Variants in CNTNAP5 observed in about 807,000 individuals in gnomAD.
CNTNAP5 encodes the protein contactin associated protein family member 5.
In CNTNAP5, 72 loss-of-function variants were observed where a neutral mutation model predicts 150.2. The observed-to-expected ratio is 0.48, with a 90% CI of 0.40 to 0.58. The LOEUF (loss-of-function observed/expected upper bound fraction) is 0.58, where lower values mean the gene tolerates loss of function less well. Among genes scored for constraint, CNTNAP5 ranks in the 20% least tolerant of loss-of-function variants. The probability of loss-of-function intolerance (pLI) is 0.00; values close to 1 mark genes in which losing one functional copy is unlikely to be tolerated. For synonymous variants in CNTNAP5, 672 were observed against 619.8 expected, an observed-to-expected ratio of 1.08 and a Z score of -1.25; for missense variants, 1,636 against 1,626.2, an observed-to-expected ratio of 1.01 and a Z score of -0.10.
chr2:124,564,143 A>G (rs1020921245), intron 11 of CNTNAP5, among the ~76,000 whole-genome samples: 2 of 152,196 alleles, frequency 1.3e-5, no homozygotes, highest in African/African-American at 2.4e-5. Flanking sequence ...ACTCAGAAGC[A>G]AAGAAACAAA....
chr2:124,233,190 C>T (rs1686667150), intron 2 of CNTNAP5, among the ~76,000 whole-genome samples: 1 of 152,072 alleles, frequency 6.6e-6, no homozygotes, highest in African/African-American at 2.4e-5. Flanking sequence ...AACTGATAAG[C>T]CTGCCCAACA....
At chr2:124,755,978 T>C (rs899264703) in intron 14 of CNTNAP5, among the ~76,000 whole-genome samples, 1 of 152,216 alleles carries the variant, frequency 6.6e-6, no homozygotes, top group African/African-American at 2.4e-5. Context: ...ATTTATTTTT[T>C]AAAAGTGGGG....
chr2:124,201,616 C>G (rs1398720281), intron 1 of CNTNAP5, among the ~76,000 whole-genome samples: 3 of 152,224 alleles, frequency 2.0e-5, no homozygotes, highest in Non-Finnish European at 4.4e-5. Flanking sequence ...AATGTATAAA[C>G]TATCTTGTGA....
chr2:124,182,295 A>G (rs1367557094), intron 1 of CNTNAP5, among the ~76,000 whole-genome samples: 1 of 152,166 alleles, frequency 6.6e-6, no homozygotes, highest in Non-Finnish European at 1.5e-5. Flanking sequence ...TGAAATATGA[A>G]AAAATGATTA....
chr2:124,459,061 C>T (rs995691598), intron 6 of CNTNAP5, among the ~76,000 whole-genome samples: 3 of 152,186 alleles, frequency 2.0e-5, no homozygotes, highest in Non-Finnish European at 4.4e-5. Flanking sequence ...ATTTGTCCTA[C>T]AATTATTAGC....
rs142294583 is a variant in CNTNAP5, at chr2:124,480,705, C to G, written c.1062+5823C>G. On this transcript the variant is annotated intron_variant, in intron 7 of 23. Coordinates refer to ENST00000682447, the MANE Select transcript of CNTNAP5 (RefSeq NM_001367498.1). ...TGCTCTGTGATAAATGATACTTTCT[C>G]TTGATCGAAGGAATCATTTGAAAAA... 7.6e-3 allele frequency among the ~76,000 whole-genome samples: 1,150 copies of G among 152,284 alleles called. 3 individuals carry two copies. The highest frequency in any genetic ancestry group is 9.5e-3 in the Non-Finnish European group (648 of 68,024).
intron 3 of CNTNAP5, among the ~76,000 whole-genome samples, chr2:124,263,042 T>G (rs1007718210): frequency 2.0e-5 from 3 of 152,136 alleles, no homozygotes; most frequent in African/African-American, 7.2e-5. Flanking sequence ...CTTAATCCAG[T>G]CTATCATTGA....
chr2:124,155,957 C>T (rs895824422), intron 1 of CNTNAP5, among the ~76,000 whole-genome samples: 1 of 152,218 alleles, frequency 6.6e-6, no homozygotes, highest in Non-Finnish European at 1.5e-5. Context: ...CAAGCCTTTG[C>T]TCCACTGGAG....
chr2:124,737,270 G>A (rs548586171), intron 13 of CNTNAP5, among the ~76,000 whole-genome samples: 5 of 146,812 alleles, frequency 3.4e-5, no homozygotes, highest in East Asian at 3.9e-4. Flanking sequence ...CAGCCTGGGC[G>A]ACAGAGCGAG....
intron 3 of CNTNAP5, among the ~76,000 whole-genome samples, chr2:124,298,878 T>C (rs1688504564): frequency 6.6e-6 from 1 of 152,140 alleles, no homozygotes; most frequent in Non-Finnish European, 1.5e-5. Context: ...AACCACTTAG[T>C]GCTGAAACAA....
intron 19 of CNTNAP5, among the ~76,000 whole-genome samples, chr2:124,828,808 A>C: frequency 6.7e-6 from 1 of 149,746 alleles, no homozygotes; most frequent in Non-Finnish European, 1.5e-5. Context: ...GTTTTGTTCA[A>C]AAGTCTTACT....
chr2:124,731,558 G>A (rs944872024), intron 13 of CNTNAP5, among the ~76,000 whole-genome samples: 17 of 151,674 alleles, frequency 1.1e-4, no homozygotes, highest in African/African-American at 4.1e-4. Flanking sequence ...AGGAGGAGGA[G>A]AAAGGGAGCA....
intron 12 of CNTNAP5, among the ~76,000 whole-genome samples, chr2:124,641,858 G>T (rs1678100988): frequency 6.6e-6 from 1 of 152,108 alleles, no homozygotes; most frequent in Non-Finnish European, 1.5e-5. Flanking sequence ...TATGTGTGTA[G>T]AATGAGGTCT....
At chr2:124,249,961 TTGTGTG>T (rs36078434) in intron 3 of CNTNAP5, among the ~76,000 whole-genome samples, 11,845 of 118,676 alleles carry the variant, frequency 0.1, 596 homozygotes, top group Non-Finnish European at 0.13. Context: ...ATGAATTCTT[TTGTGTG>T]TGTGTGTGTG....
intron 19 of CNTNAP5, among the ~76,000 whole-genome samples, chr2:124,840,876 A>G (rs1191654343): frequency 6.6e-6 from 1 of 152,122 alleles, no homozygotes; most frequent in African/African-American, 2.4e-5. Flanking sequence ...GGGCTGACAG[A>G]AGCAAGGAAA....
intron 19 of CNTNAP5, among the ~76,000 whole-genome samples, chr2:124,815,810 G>A (rs1045822934): frequency 4.6e-5 from 7 of 152,162 alleles, no homozygotes; most frequent in African/African-American, 1.7e-4. Context: ...ACATGGAAAG[G>A]TGTATAACTG....
chr2:124,769,943 A>G (rs1558768467), intron 16 of CNTNAP5, among the ~76,000 whole-genome samples: 1 of 152,158 alleles, frequency 6.6e-6, no homozygotes. Context: ...GTAGTAAGGT[A>G]TTTGGCTCAC....
intron 10 of CNTNAP5, among the ~76,000 whole-genome samples, chr2:124,530,276 C>A (rs1480413386): frequency 6.6e-6 from 1 of 152,218 alleles, no homozygotes; most frequent in Non-Finnish European, 1.5e-5. Flanking sequence ...CACCTCTACA[C>A]TCCAGCCTGG....
At chr2:124,344,374 T>G (rs1689688783) in intron 3 of CNTNAP5, among the ~76,000 whole-genome samples, 1 of 151,954 alleles carries the variant, frequency 6.6e-6, no homozygotes, top group South Asian at 2.1e-4. Context: ...AAAAAAAAGT[T>G]ATTTATTTCC....
Sources: gnomAD v4.1 joint callset for allele counts (sites outside exome capture counted in the v4.1 genomes callset) on GRCh38, gnomAD v4.1.1 for gene constraint, MANE v1.5 for transcripts, NCBI Gene and HGNC (gene_info 2026-07-23, HGNC 2026-07-21) for gene names.